Variants in AOPEP observed in about 807,000 individuals in gnomAD.
The protein encoded by AOPEP is aminopeptidase O.
A neutral mutation model predicts 98.1 loss-of-function variants in AOPEP; 77 were observed. The ratio of observed to expected loss-of-function variants is 0.78; its 90% CI spans 0.65 to 0.95. The LOEUF (loss-of-function observed/expected upper bound fraction) is 0.95, where lower values mean the gene tolerates loss of function less well. Ranked by LOEUF, AOPEP falls within the 40% of genes least tolerant of loss-of-function variation. The probability of loss-of-function intolerance (pLI) is 0.00; values close to 1 mark genes in which losing one functional copy is unlikely to be tolerated. For missense variants in AOPEP, 1,024 were observed against 1,024.7 expected, an observed-to-expected ratio of 1.00 and a Z score of 0.01; for synonymous variants, 346 against 365.3, an observed-to-expected ratio of 0.95 and a Z score of 0.60.
the AOPEP span, chr9:95,107,308 G>A: frequency 3.8e-6 from 6 of 1,593,724 alleles, no homozygotes; most frequent in Non-Finnish European, 5.1e-6. Context: ...GTTAGGAAGA[G>A]GCAGGACAGA....
chr9:94,922,913 T>A (rs2053827033), intron 5 of AOPEP, among the ~76,000 whole-genome samples: 1 of 152,240 alleles, frequency 6.6e-6, no homozygotes, highest in Non-Finnish European at 1.5e-5. Flanking sequence ...GGGTTTTCTC[T>A]AATGGTGGCT....
chr9:94,823,857 C>G (rs1213456195), intron 5 of AOPEP, among the ~76,000 whole-genome samples: 1 of 152,152 alleles, frequency 6.6e-6, no homozygotes, highest in African/African-American at 2.4e-5. Context: ...CAAGCTATCA[C>G]TTTGTGGAAG....
intron 9 of AOPEP, among the ~76,000 whole-genome samples, chr9:94,957,878 T>G (rs1301062304): frequency 2.8e-5 from 4 of 143,988 alleles, no homozygotes; most frequent in Non-Finnish European, 1.5e-5. Flanking sequence ...TACTTCATTC[T>G]TTTTTATTTT....
In AOPEP at chr9:94,760,421, C is replaced by T. The variant is rs1376593567; in HGVS notation, c.638C>T (p.Pro213Leu). 6.2e-7 allele frequency: 1 copy of T among 1,614,010 alleles called. No homozygotes were observed. The change falls in exon 2 of 17, where the codon CCT (proline) becomes CTT (leucine). Residue 213 changes from proline (P) to leucine (L), a missense_variant. Transcript: ENST00000375315. ...TATTACGCTCGCTGCAGCCAGGCTC[C>T]TGGCTGTGGGGAACTCCTCTTTGAC... ...LDYYARCSQA[P>L]GCGELLFDTD...
chr9:94,772,933 T>C lies in AOPEP; in HGVS notation c.798-69T>C, dbSNP rs1841217480. 7.0e-6 allele frequency: 10 copies of C among 1,437,474 alleles called. No homozygotes were observed. In the South Asian group the frequency reaches 9.6e-5, roughly 14 times the overall value. The allele number at this position is 1,437,474 out of a possible 1,614,324, so 89.0% of individuals were successfully genotyped here. On this transcript the variant is annotated intron_variant, in intron 2 of 16. Coordinates refer to ENST00000375315, the MANE Select transcript of AOPEP (RefSeq NM_001193329.3). ...AAGCTCAACTTAACCTGCACTACCA[T>C]ACTGGTGAGAAAAGTGACAACTCAT...
intron 5 of AOPEP, chr9:94,810,135 C>T (rs1003623758): frequency 2.6e-5 from 4 of 155,054 alleles, no homozygotes; most frequent in African/African-American, 7.2e-5. Flanking sequence ...AGGCTTCCTG[C>T]TTTTCTGTTG....
intron 5 of AOPEP, among the ~76,000 whole-genome samples, chr9:94,907,356 T>C (rs1259800967): frequency 1.3e-5 from 2 of 152,108 alleles, no homozygotes; most frequent in South Asian, 4.2e-4. Context: ...ACTGAAGAAC[T>C]GAGAGACCCA....
At chr9:95,016,433 G>A (rs2063004972) in intron 13 of AOPEP, among the ~76,000 whole-genome samples, 1 of 151,138 alleles carries the variant, frequency 6.6e-6, no homozygotes, top group Admixed American at 6.6e-5. Flanking sequence ...AGTAGAAATG[G>A]GGTTTCATCA....
intron 5 of AOPEP, among the ~76,000 whole-genome samples, chr9:94,801,498 G>A (rs150031419): frequency 1.4e-3 from 214 of 152,328 alleles, no homozygotes; most frequent in Non-Finnish European, 2.2e-3. Flanking sequence ...ATAGACTGTG[G>A]ATGGATCAGT....
the AOPEP span, among the ~76,000 whole-genome samples, chr9:95,122,746 C>T: frequency 6.6e-6 from 1 of 152,178 alleles, no homozygotes; most frequent in Non-Finnish European, 1.5e-5. Context: ...GGCACTCCTC[C>T]GTGGCCTCTG....
At chr9:95,077,105 G>A (rs2134166829) in intron 14 of AOPEP, among the ~76,000 whole-genome samples, 1 of 152,304 alleles carries the variant, frequency 6.6e-6, no homozygotes, top group African/African-American at 2.4e-5. Context: ...GACCCTCACA[G>A]CTGCTCCCCT....
chr9:94,847,197 C>T (rs2042983164), intron 5 of AOPEP, among the ~76,000 whole-genome samples: 2 of 152,094 alleles, frequency 1.3e-5, no homozygotes, highest in East Asian at 3.9e-4. Context: ...GTCTCTCTCT[C>T]TCTCTCCACA....
At chr9:95,074,089 C>A (rs1041132608) in intron 14 of AOPEP, among the ~76,000 whole-genome samples, 3 of 152,192 alleles carry the variant, frequency 2.0e-5, no homozygotes, top group African/African-American at 7.2e-5. Flanking sequence ...TGCTTGGAAT[C>A]AGTGAGCCCC....
chr9:95,144,561 A>T, the AOPEP span, among the ~76,000 whole-genome samples: 1 of 152,172 alleles, frequency 6.6e-6, no homozygotes, highest in Non-Finnish European at 1.5e-5. Flanking sequence ...GGTTTCACAG[A>T]AGACCAGGAG....
chr9:94,865,075 G>A lies in AOPEP; in HGVS notation c.1365-58911G>A, dbSNP rs961625294. The stretch of plus-strand genomic sequence containing the variant: ...TAATTTTCAGCTATTTAAATCCATG[G>A]TTTATCATCTCCTAACTATGATGAA... On this transcript the variant is annotated intron_variant, in intron 5 of 16. Coordinates refer to ENST00000375315, the MANE Select transcript of AOPEP (RefSeq NM_001193329.3). Among the ~76,000 whole-genome samples the A allele has an allele frequency of 2.6e-5, 4 of 152,030 alleles. No individual in the cohort carries two copies. The East Asian group carries it at 7.7e-4, about 29-fold the overall frequency.
intron 4 of AOPEP, among the ~76,000 whole-genome samples, chr9:94,797,699 A>T (rs910443494): frequency 6.9e-6 from 1 of 144,976 alleles, no homozygotes; most frequent in African/African-American, 2.7e-5. Flanking sequence ...AAATTCTCTC[A>T]TACCTTTTTT....
intron 13 of AOPEP, among the ~76,000 whole-genome samples, chr9:95,034,253 C>A (rs1417594653): frequency 6.6e-6 from 1 of 152,110 alleles, no homozygotes; most frequent in Non-Finnish European, 1.5e-5. Flanking sequence ...TTTTACTGTA[C>A]TTTTATATAG....
At position 94,980,444 on chromosome 9, in the gene AOPEP, G is replaced by C. The variant is rs2060114682; in HGVS notation, c.1977+1017G>C. ...GTTACATGAGCTTCCCCTTAGGAGG[G>C]TCTCAATGTCAGTGAATGTCTGTGA... On this transcript the variant is annotated intron_variant, in intron 11 of 16. Transcript: ENST00000375315. This position sits in a 1 kb window ranked among gnomAD's most constrained non-coding sequence, Gnocchi z 4.3. Among the ~76,000 whole-genome samples the C allele has an allele frequency of 6.6e-6, 1 of 152,264 alleles. No homozygotes were observed. Among genetic ancestry groups the C allele is most frequent in the South Asian group, 2.1e-4 (1 of 4,838 alleles).
rs2059622574 is a variant in AOPEP at position 94,972,960 on chromosome 9, A to C, written c.1916+5159A>C. 6.6e-6 allele frequency among the ~76,000 whole-genome samples: 1 copy of C among 152,072 alleles called. No homozygotes were observed. Among genetic ancestry groups the C allele is most frequent in the Non-Finnish European group, 1.5e-5 (1 of 68,002 alleles). On this transcript the variant is annotated intron_variant, in intron 10 of 16. Transcript: ENST00000375315. The surrounding 1 kb of genome is among the most constrained non-coding windows in gnomAD (Gnocchi z 4.2). Reference sequence around the variant, plus strand: ...TCTCAAAAAAAAAAGGAAGAAAATAAGTAACTCTGCACAGCTTTGAGATCC... The same window carrying C: ...TCTCAAAAAAAAAAGGAAGAAAATACGTAACTCTGCACAGCTTTGAGATCC...
Sources: allele counts gnomAD v4.1 joint callset (sites outside exome capture counted in the v4.1 genomes callset), GRCh38; gene constraint gnomAD v4.1.1; non-coding constraint Gnocchi (gnomAD v3.1); transcripts MANE v1.5; gene names NCBI Gene and HGNC (gene_info 2026-07-23, HGNC 2026-07-21).